The following KAZN variants were observed in gnomAD, a reference collection of about 807,000 sequenced individuals.
The protein encoded by KAZN is kazrin.
Under a neutral mutation model 87.4 loss-of-function variants are expected in KAZN, and 40 were observed. That is an observed-to-expected ratio of 0.46 (90% CI 0.36 to 0.60). The LOEUF (loss-of-function observed/expected upper bound fraction) is 0.60. KAZN is among the 20% of genes least tolerant of loss of function. The pLI is 0.00. For synonymous variants in KAZN, 466 were observed against 458.3 expected, an observed-to-expected ratio of 1.02 and a Z score of -0.22; for missense variants, 898 against 1,073.9, an observed-to-expected ratio of 0.84 and a Z score of 2.29.
chr1:14,403,208 G>A (rs989862374), intron 2 of KAZN, among the ~76,000 whole-genome samples: 12 of 152,150 alleles, frequency 7.9e-5, no homozygotes, highest in African/African-American at 2.9e-4. Context: ...CTTTACAAAT[G>A]GTGCTGGGAG....
At chr1:14,577,243 T>C (rs1256265771) in intron 2 of KAZN, among the ~76,000 whole-genome samples, 1 of 152,162 alleles carries the variant, frequency 6.6e-6, no homozygotes, top group Non-Finnish European at 1.5e-5. Context: ...ACATTCAAAA[T>C]AAATTGTATC....
At chr1:14,243,039 TCAGA>T (rs1166026829) in intron 2 of KAZN, among the ~76,000 whole-genome samples, 2 of 152,152 alleles carry the variant, frequency 1.3e-5, no homozygotes, top group East Asian at 1.9e-4. Context: ...AAATGGGACA[TCAGA>T]CAGTTAAAAG....
At chr1:14,413,654 A>G (rs115651360) in intron 2 of KAZN, among the ~76,000 whole-genome samples, 1,838 of 150,098 alleles carry the variant, frequency 0.012, 21 homozygotes, top group South Asian at 0.021. Flanking sequence ...GACTACCTTT[A>G]TGACCTCTTG....
At chr1:14,667,397 A>T (rs1381236310) in intron 1 of KAZN, among the ~76,000 whole-genome samples, 1 of 152,212 alleles carries the variant, frequency 6.6e-6, no homozygotes, top group Non-Finnish European at 1.5e-5. Flanking sequence ...TCAGCCAAGC[A>T]TCAGTTTGCT....
At chr1:14,406,576 C>T (rs1663871752) in intron 2 of KAZN, among the ~76,000 whole-genome samples, 1 of 152,098 alleles carries the variant, frequency 6.6e-6, no homozygotes, top group Non-Finnish European at 1.5e-5. Context: ...TAAAAGACTA[C>T]AAATTGGGTT....
intron 6 of KAZN, 139 bp downstream of exon 6, chr1:15,060,441 G>C (rs1033653585): frequency 6.9e-6 from 8 of 1,164,050 alleles, no homozygotes; most frequent in Middle Eastern, 2.7e-4. Context: ...TTCCTGTTCT[G>C]TTCTTTCCTT....
At chr1:14,911,954 C>A (rs370484454) in intron 1 of KAZN, among the ~76,000 whole-genome samples, 1 of 151,984 alleles carries the variant, frequency 6.6e-6, no homozygotes, top group Non-Finnish European at 1.5e-5. Context: ...GAGTTTGAGA[C>A]CAGCCTGTCC....
intron 1 of KAZN, among the ~76,000 whole-genome samples, chr1:14,857,465 T>A (rs1471694723): frequency 6.6e-6 from 1 of 152,044 alleles, no homozygotes; most frequent in African/African-American, 2.4e-5. Flanking sequence ...CCCAGGAGGT[T>A]GAGGGTGCAG....
chr1:15,101,463 T>G, intron 10 of KAZN, 80 bp from the exon 11 acceptor site: 1 of 925,740 alleles, frequency 1.1e-6, no homozygotes, highest in Non-Finnish European at 1.7e-6. Context: ...TCTCTCTGCA[T>G]CTCCACCCAT....
intron 1 of KAZN, among the ~76,000 whole-genome samples, chr1:14,099,566 A>T (rs1303710614): frequency 6.6e-6 from 1 of 152,186 alleles, no homozygotes; most frequent in Non-Finnish European, 1.5e-5. Flanking sequence ...GCTGATTTCT[A>T]CAAGACTCCC....
intron 1 of KAZN, among the ~76,000 whole-genome samples, chr1:14,879,331 A>AT (rs1403962136): frequency 6.6e-6 from 1 of 152,216 alleles, no homozygotes; most frequent in East Asian, 1.9e-4. Flanking sequence ...TATTCCTAAC[A>AT]AATACTCAAT....
intron 6 of KAZN, chr1:15,063,289 G>A (rs113936533): frequency 0.022 from 10,576 of 478,524 alleles, 183 homozygotes; most frequent in South Asian, 0.045. Context: ...GAACTTAGAC[G>A]CCCTGGAGTG....
chr1:15,063,437 T>C (rs1638962675), intron 6 of KAZN, 135 bp from the exon 7 acceptor site: 1 of 734,096 alleles, frequency 1.4e-6, no homozygotes, highest in East Asian at 2.7e-5. Context: ...GGGGGTGGGC[T>C]CCCCACTGCA....
rs371710569 is a variant in KAZN, at chr1:15,045,922, C to T, written c.726+1763C>T. Among the ~76,000 whole-genome samples, 42 of 152,264 alleles carry T rather than the reference C, an allele frequency of 2.8e-4. 1 individual carries two copies. The highest frequency in any genetic ancestry group is 7.7e-4 in the East Asian group (4 of 5,182). On this transcript the variant is annotated intron_variant, in intron 4 of 14. Transcript: ENST00000376030. ...CCCTTGACACGTGGGGATTACAATTCGAGATGAGATTTGGCTGGGGACCCA... is the reference window on the plus strand; with the variant it reads ...CCCTTGACACGTGGGGATTACAATTTGAGATGAGATTTGGCTGGGGACCCA...
intron 4 of KAZN, among the ~76,000 whole-genome samples, chr1:15,045,619 G>A (rs1185854636): frequency 6.6e-6 from 1 of 152,168 alleles, no homozygotes. Flanking sequence ...TTCCTACACT[G>A]CTATAAAGAA....
At chr1:14,002,465 C>A (rs1347999550) in intron 1 of KAZN, among the ~76,000 whole-genome samples, 1 of 152,206 alleles carries the variant, frequency 6.6e-6, no homozygotes. Flanking sequence ...TCCTCATTTT[C>A]TCTTGCTGCC....
intron 1 of KAZN, among the ~76,000 whole-genome samples, chr1:14,741,145 G>T (rs1165019281): frequency 6.6e-6 from 1 of 152,206 alleles, no homozygotes; most frequent in Non-Finnish European, 1.5e-5. Context: ...TATTTGCTCT[G>T]CATCCGAGGC....
intron 2 of KAZN, among the ~76,000 whole-genome samples, chr1:14,228,973 A>G (rs1647548895): frequency 6.6e-6 from 1 of 152,232 alleles, no homozygotes; most frequent in African/African-American, 2.4e-5. Context: ...ACACAGCCAC[A>G]CAGTGGCATG....
intron 1 of KAZN, among the ~76,000 whole-genome samples, chr1:14,828,759 GCAT>G (rs1646970637): frequency 6.6e-6 from 1 of 152,148 alleles, no homozygotes; most frequent in Non-Finnish European, 1.5e-5. Flanking sequence ...CAGTCCAAAA[GCAT>G]CATCAGGAAC....
Sources: allele counts gnomAD v4.1 joint callset (sites outside exome capture counted in the v4.1 genomes callset), GRCh38; gene constraint gnomAD v4.1.1; transcripts MANE v1.5; gene names NCBI Gene and HGNC (gene_info 2026-07-23, HGNC 2026-07-21).